ANO10: variants seen among roughly 807,000 people sequenced by gnomAD.
The protein encoded by ANO10 is anoctamin 10, also known as anoctamin-10.
Under a neutral mutation model 74.7 loss-of-function variants are expected in ANO10, and 77 were observed. The observed-to-expected ratio is 1.03, with a 90% confidence interval of 0.86 to 1.25. The LOEUF is 1.25. Among genes scored for constraint, ANO10 ranks in the 50% most tolerant of loss-of-function variants. The pLI is 0.00. For missense variants in ANO10, 721 were observed against 778.1 expected (o/e 0.93, Z 0.87); for synonymous variants, 279 against 284.9 (o/e 0.98, Z 0.21).
intron 11 of ANO10, among the ~76,000 whole-genome samples, chr3:43,482,537 T>C (rs944799241): frequency 1.3e-5 from 2 of 152,134 alleles, no homozygotes; most frequent in African/African-American, 4.8e-5. Context: ...AACACAGTTA[T>C]GCCCCCCAAA....
chr3:43,647,253 A>AT (rs2083737420), intron 1 of ANO10, among the ~76,000 whole-genome samples: 1 of 150,936 alleles, frequency 6.6e-6, no homozygotes, highest in South Asian at 2.1e-4. Flanking sequence ...GATTCACATG[A>AT]TTATGGAGGG....
At chr3:43,521,998 G>T (rs2077978130) in intron 11 of ANO10, among the ~76,000 whole-genome samples, 1 of 151,988 alleles carries the variant, frequency 6.6e-6, no homozygotes. Context: ...CTATAACATG[G>T]GTAAGACTTA....
At chr3:43,396,898 C>T (rs1226246313) in intron 12 of ANO10, among the ~76,000 whole-genome samples, 1 of 151,890 alleles carries the variant, frequency 6.6e-6, no homozygotes, top group East Asian at 1.9e-4. Context: ...TGCTGCTAAT[C>T]CCATCCAGTG....
At chr3:43,671,290 T>C (rs1364343969) in intron 1 of ANO10, among the ~76,000 whole-genome samples, 1 of 152,178 alleles carries the variant, frequency 6.6e-6, no homozygotes, top group African/African-American at 2.4e-5. Flanking sequence ...CACATCTCTA[T>C]TCTCATGGAA....
At chr3:43,417,279 C>A (rs1392203498) in intron 12 of ANO10, among the ~76,000 whole-genome samples, 6 of 152,152 alleles carry the variant, frequency 3.9e-5, no homozygotes, top group African/African-American at 1.4e-4. Flanking sequence ...CCGTTCTCTG[C>A]CAACCACATG....
intron 11 of ANO10, among the ~76,000 whole-genome samples, chr3:43,474,643 C>T (rs555356305): frequency 3.9e-4 from 60 of 152,266 alleles, no homozygotes; most frequent in African/African-American, 1.3e-3. Flanking sequence ...CAAATGTCAA[C>T]TATAATAAAT....
chr3:43,438,851 C>T lies in ANO10; in HGVS notation c.1798-6124G>A, dbSNP rs115401335. On this transcript the variant is annotated intron_variant, in intron 11 of 12. Transcript: ENST00000292246. ...TAGGTCATTGGAAATTATTGAGTCA[C>T]AGGAGCAAAAACAACAAAAGAAGAA... 2.6e-3 allele frequency among the ~76,000 whole-genome samples: 398 copies of T among 151,558 alleles called. 2 individuals carry two copies. Among genetic ancestry groups the T allele is most frequent in the African/African-American group, 9.3e-3 (383 of 41,306 alleles).
At chr3:43,567,197 C>T (rs1416338988) in intron 7 of ANO10, among the ~76,000 whole-genome samples, 1 of 152,166 alleles carries the variant, frequency 6.6e-6, no homozygotes, top group South Asian at 2.1e-4. Context: ...AAGACCAAAT[C>T]TACATCTGAT....
intron 4 of ANO10, among the ~76,000 whole-genome samples, chr3:43,593,339 A>G (rs2081902277): frequency 6.6e-6 from 1 of 152,210 alleles, no homozygotes; most frequent in South Asian, 2.1e-4. Flanking sequence ...GAAGGAAAAA[A>G]TGTTAAGGGT....
At chr3:43,458,618 T>C (rs1466692685) in intron 11 of ANO10, among the ~76,000 whole-genome samples, 1 of 152,198 alleles carries the variant, frequency 6.6e-6, no homozygotes, top group Non-Finnish European at 1.5e-5. Flanking sequence ...GAGCTTTCAA[T>C]CTCCCATTAG....
At chr3:43,434,033 G>A (rs1242944332) in intron 11 of ANO10, among the ~76,000 whole-genome samples, 1 of 152,158 alleles carries the variant, frequency 6.6e-6, no homozygotes, top group Admixed American at 6.5e-5. Flanking sequence ...AGAAATGAGG[G>A]ATAAATAACA....
intron 11 of ANO10, among the ~76,000 whole-genome samples, chr3:43,452,028 G>C (rs2074900349): frequency 6.6e-6 from 1 of 152,032 alleles, no homozygotes; most frequent in African/African-American, 2.4e-5. Flanking sequence ...TACCCTCAAA[G>C]GCTAAAGATT....
intron 12 of ANO10, among the ~76,000 whole-genome samples, chr3:43,374,098 C>A (rs546331851): frequency 4.6e-5 from 7 of 152,212 alleles, no homozygotes; most frequent in African/African-American, 1.7e-4. Context: ...ATGGTTCCTC[C>A]AGGCTGTGGG....
chr3:43,690,829 G>A lies in ANO10; in HGVS notation c.-12+688C>T, dbSNP rs1380934694. ...TGGCGGACGCAAAGCCGGAGGCAAG[G>A]CCGCGCACGCGCAAACGCGGGCGCG... On this transcript the variant is annotated intron_variant, in intron 1 of 3. Coordinates refer to the ANO10 transcript ENST00000413397. 1.2e-5 allele frequency: 7 copies of A among 599,160 alleles called. No individual in the cohort carries two copies. In the South Asian group the frequency reaches 1.5e-4, roughly 13 times the overall value. The allele number at this position is 599,160 out of a possible 1,614,324, so 37.1% of individuals were successfully genotyped here.
At chr3:43,418,565 A>G (rs2092776042) in intron 12 of ANO10, among the ~76,000 whole-genome samples, 1 of 152,238 alleles carries the variant, frequency 6.6e-6, no homozygotes, top group Admixed American at 6.5e-5. Context: ...TGGCTTCAAC[A>G]ATGATTAACT....
intron 12 of ANO10, among the ~76,000 whole-genome samples, chr3:43,416,159 C>A (rs1232311570): frequency 6.6e-6 from 1 of 152,168 alleles, no homozygotes; most frequent in African/African-American, 2.4e-5. Flanking sequence ...TGACTAAAAC[C>A]AGACTTGCAA....
At chr3:43,369,429 A>T (rs568900802) in intron 12 of ANO10, among the ~76,000 whole-genome samples, 10 of 152,378 alleles carry the variant, frequency 6.6e-5, no homozygotes, top group African/African-American at 2.4e-4. Flanking sequence ...CAGGCCAGGC[A>T]GGAGCCATTT....
chr3:43,508,714 T>C (rs575319870), intron 11 of ANO10, among the ~76,000 whole-genome samples: 3 of 151,394 alleles, frequency 2.0e-5, no homozygotes, highest in Admixed American at 2.0e-4. Flanking sequence ...AAACACCGCA[T>C]GTTCTCACTC....
chr3:43,448,097 T>C (rs2093275462), intron 11 of ANO10, among the ~76,000 whole-genome samples: 1 of 152,186 alleles, frequency 6.6e-6, no homozygotes, highest in South Asian at 2.1e-4. Flanking sequence ...GAGCTTCCTC[T>C]GTCTACCACA....
Sources: allele counts gnomAD v4.1 joint callset (sites outside exome capture counted in the v4.1 genomes callset), GRCh38; gene constraint gnomAD v4.1.1; transcripts MANE v1.5; gene names NCBI Gene and HGNC (gene_info 2026-07-23, HGNC 2026-07-21).